Variants in ZNF43 observed in about 807,000 individuals in gnomAD.
ZNF43 encodes the protein zinc finger protein 43.
Under a neutral mutation model 68.4 loss-of-function variants are expected in ZNF43, and 44 were observed. The ratio of observed to expected loss-of-function variants is 0.64; its 90% CI spans 0.51 to 0.83. ZNF43 has a LOEUF of 0.83. Ranked by LOEUF, ZNF43 falls within the 40% of genes least tolerant of loss-of-function variation. The probability of loss-of-function intolerance (pLI) is 0.00; values close to 1 mark genes in which losing one functional copy is unlikely to be tolerated. For synonymous variants in ZNF43, 308 were observed against 307.8 expected, an observed-to-expected ratio of 1.00 and a Z score of -0.01; for missense variants, 896 against 933.2, an observed-to-expected ratio of 0.96 and a Z score of 0.52.
rs2037172628 is a variant in ZNF43, at chr19:21,809,510, C to T, written c.527G>A (p.Cys176Tyr). ...ISHTEKKLFK[C>Y]KECGKSFCML... ...GCAAAATGATTTGCCACATTCTTTG[C>T]ATTTGAAAAGTTTTTTTTCAGTATG... is the stretch of plus-strand genomic sequence containing the variant. The change falls in exon 4 of 4, where the codon TGC becomes TAC. Residue 176 changes from cysteine to tyrosine, a missense_variant. Coordinates refer to ENST00000354959, the MANE Select transcript of ZNF43 (RefSeq NM_003423.4). 2 of 1,613,324 alleles carry T rather than the reference C, an allele frequency of 1.2e-6. No homozygotes were observed. Among genetic ancestry groups the T allele is most frequent in the Non-Finnish European group, 1.7e-6 (2 of 1,179,656 alleles).
At chr19:21,836,193 C>A, upstream of ZNF43, 1 of 1,520,882 alleles carries the variant, frequency 6.6e-7, no homozygotes, top group Non-Finnish European at 8.8e-7. Context: ...AAAGGCCCCG[C>A]CACATCCCGG....
At chr19:21,836,195 A>T, upstream of ZNF43, 1 of 1,516,304 alleles carries the variant, frequency 6.6e-7, no homozygotes. Context: ...AGGCCCCGCC[A>T]CATCCCGGAA....
chr19:21,846,323 G>A (rs946914910), intron 1 of ZNF43, among the ~76,000 whole-genome samples: 18 of 152,248 alleles, frequency 1.2e-4, no homozygotes, highest in Middle Eastern at 6.8e-3. Context: ...TTGGCCCAGA[G>A]TTATGTCACA....
chr19:21,812,648 G>A (rs2145182941), intron 3 of ZNF43, among the ~76,000 whole-genome samples: 1 of 151,888 alleles, frequency 6.6e-6, no homozygotes. Flanking sequence ...TGTTGATGAT[G>A]CAATAAAAAT....
intron 1 of ZNF43, among the ~76,000 whole-genome samples, chr19:21,828,351 G>C (rs1025754327): frequency 1.3e-5 from 2 of 152,078 alleles, no homozygotes; most frequent in East Asian, 3.9e-4. Flanking sequence ...AGGCCAAGGC[G>C]GGCATACCAC....
chr19:21,813,148 A>G (rs2037360444), intron 3 of ZNF43, among the ~76,000 whole-genome samples: 1 of 151,972 alleles, frequency 6.6e-6, no homozygotes, highest in Non-Finnish European at 1.5e-5. Flanking sequence ...AAGCTGAGGC[A>G]GAAGACTCAC....
At chr19:21,836,246 T>C, upstream of ZNF43, 1 of 1,391,398 alleles carries the variant, frequency 7.2e-7, no homozygotes, top group East Asian at 2.7e-5. Context: ...ATTGGACGGT[T>C]TCCAGCCCAG....
intron 1 of ZNF43, among the ~76,000 whole-genome samples, chr19:21,822,039 CCA>C (rs1183050120): frequency 6.6e-6 from 1 of 152,266 alleles, no homozygotes; most frequent in Non-Finnish European, 1.5e-5. Context: ...CCTACTACCA[CCA>C]CACCCACAGG....
At chr19:21,831,526 A>G (rs1356410662) in intron 1 of ZNF43, among the ~76,000 whole-genome samples, 5 of 151,934 alleles carry the variant, frequency 3.3e-5, no homozygotes, top group Non-Finnish European at 7.4e-5. Context: ...ACGCCTAGCT[A>G]ATTTTTGTAA....
intron 1 of ZNF43, among the ~76,000 whole-genome samples, chr19:21,826,338 T>A (rs1365975309): frequency 2.6e-5 from 4 of 152,026 alleles, no homozygotes; most frequent in African/African-American, 9.7e-5. Context: ...AAATGGAATT[T>A]AAAAAAAATT....
At chr19:21,827,886 C>T (rs1263069670) in intron 1 of ZNF43, among the ~76,000 whole-genome samples, 4 of 152,076 alleles carry the variant, frequency 2.6e-5, no homozygotes, top group East Asian at 1.9e-4. Flanking sequence ...GCCTTGAAAT[C>T]CCAACCTCAG....
chr19:21,848,253 C>G (rs1295105793), intron 1 of ZNF43, among the ~76,000 whole-genome samples: 1 of 152,208 alleles, frequency 6.6e-6, no homozygotes, highest in Non-Finnish European at 1.5e-5. Context: ...AAGTGATTCT[C>G]TTGCCTCAGC....
intron 3 of ZNF43, among the ~76,000 whole-genome samples, chr19:21,816,679 G>GT (rs1415318894): frequency 6.6e-6 from 1 of 152,094 alleles, no homozygotes; most frequent in Non-Finnish European, 1.5e-5. Context: ...CTGAGCCATG[G>GT]TTTATGGCCA....
exon 1 of ZNF43, chr19:21,851,963 G>A (rs756094089): frequency 1.9e-6 from 3 of 1,551,542 alleles, no homozygotes; most frequent in Non-Finnish European, 1.7e-6. Flanking sequence ...AGGACTTGCA[G>A]ATCACAGGGT....
At chr19:21,842,583 T>C (rs1250342162) in intron 1 of ZNF43, among the ~76,000 whole-genome samples, 1 of 151,970 alleles carries the variant, frequency 6.6e-6, no homozygotes, top group African/African-American at 2.4e-5. Flanking sequence ...GCTCCAGAGA[T>C]ATGTCAAAAT....
rs548001388 is a variant in ZNF43 at position 21,808,244 on chromosome 19, T to C, written c.1793A>G (p.Glu598Gly). The C allele has an allele frequency of 6.2e-7, 1 of 1,613,594 alleles. No individual in the cohort carries two copies. The highest frequency in any genetic ancestry group is 8.5e-7 in the Non-Finnish European group (1 of 1,179,852). Residue 598 changes from glutamate to glycine, a missense_variant, in exon 4 of 4, where the codon GAA becomes GGA. Glu to Gly is a moderately conservative substitution (Grantham distance 98). Coordinates refer to ENST00000354959, the MANE Select transcript of ZNF43 (RefSeq NM_003423.4). ...HTGEKFYKCEECGKAFTQSSN... is the reference protein window; with the variant it reads ...HTGEKFYKCEGCGKAFTQSSN... ...AGATTGGGTAAAAGCTTTGCCACATTCTTCACATTTGTAGAATTTCTCTCC... is the reference window on the plus strand; with the variant it reads ...AGATTGGGTAAAAGCTTTGCCACATCCTTCACATTTGTAGAATTTCTCTCC...
chr19:21,836,325 T>C, upstream of ZNF43: 2 of 1,122,212 alleles, frequency 1.8e-6, no homozygotes, highest in East Asian at 3.8e-5. Flanking sequence ...GATCAGACGC[T>C]GGGCTGAAAG....
chr19:21,821,303 G>A (rs927230949), intron 1 of ZNF43, among the ~76,000 whole-genome samples: 3 of 151,836 alleles, frequency 2.0e-5, no homozygotes, highest in Non-Finnish European at 4.4e-5. Context: ...CCAGCACTAC[G>A]CCCTGCTATT....
At chr19:21,845,759 G>T (rs966807677) in intron 1 of ZNF43, among the ~76,000 whole-genome samples, 1 of 151,998 alleles carries the variant, frequency 6.6e-6, no homozygotes, top group Non-Finnish European at 1.5e-5. Context: ...CAGGTGTGGT[G>T]GTGCATGCCT....
Sources: allele counts gnomAD v4.1 joint callset (sites outside exome capture counted in the v4.1 genomes callset), GRCh38; gene constraint gnomAD v4.1.1; transcripts MANE v1.5; gene names NCBI Gene and HGNC (gene_info 2026-07-23, HGNC 2026-07-21).